Variants in SP140 observed in about 807,000 individuals in gnomAD.
The protein encoded by SP140 is SP140 nuclear body protein, also known as nuclear body protein SP140.
A neutral mutation model predicts 125.0 loss-of-function variants in SP140; 81 were observed. The observed-to-expected ratio is 0.65, with a 90% CI of 0.54 to 0.78. The LOEUF is 0.78. Ranked by LOEUF, SP140 falls within the 30% of genes least tolerant of loss-of-function variation. The pLI is 0.00. For missense variants in SP140, 858 were observed against 1,037.0 expected (o/e 0.83, Z 2.37); for synonymous variants, 312 against 354.0 (o/e 0.88, Z 1.33).
chr2:230,267,571 C>A (rs2053313952), intron 12 of SP140, among the ~76,000 whole-genome samples: 1 of 152,144 alleles, frequency 6.6e-6, no homozygotes, highest in Admixed American at 6.5e-5. Context: ...CTCCCCATTG[C>A]AAGCCAGAGT....
intron 10 of SP140, 104 bp downstream of exon 10, chr2:230,251,165 G>C: frequency 1.1e-6 from 1 of 895,918 alleles, no homozygotes; most frequent in Non-Finnish European, 1.8e-6. Flanking sequence ...ACTTCACAGT[G>C]AAAGAATGCA....
At chr2:230,191,130 C>T in the SP140 span, among the ~76,000 whole-genome samples, 1 of 152,170 alleles carries the variant, frequency 6.6e-6, no homozygotes, top group African/African-American at 2.4e-5. Flanking sequence ...CTCTGGGACA[C>T]AGCTAAAGCA....
rs1003598784 is a variant in SP140 at position 230,276,390 on chromosome 2, T to G, written c.1498+5751T>G. Among the ~76,000 whole-genome samples the G allele has an allele frequency of 3.3e-5, 5 of 152,112 alleles. No individual in the cohort carries two copies. In the South Asian group the frequency reaches 6.2e-4, roughly 19 times the overall value. ...CTCTGCCTATGCTGTATAAGTAAAA[T>G]AAAGCCCAGATCATAGAACATCTGT... On this transcript the variant is annotated intron_variant, in intron 15 of 26. Coordinates refer to ENST00000392045, the MANE Select transcript of SP140 (RefSeq NM_007237.5).
chr2:230,314,484 AG>A (rs2149654258), downstream of SP140, among the ~76,000 whole-genome samples: 1 of 152,364 alleles, frequency 6.6e-6, no homozygotes, highest in African/African-American at 2.4e-5. Context: ...TATTGACAAA[AG>A]GGCAAGCTTC....
At chr2:230,247,068 G>T (rs1178866381) in intron 7 of SP140, among the ~76,000 whole-genome samples, 4 of 152,114 alleles carry the variant, frequency 2.6e-5, no homozygotes, top group Admixed American at 6.5e-5. Flanking sequence ...CTATCAAAAT[G>T]GCACCTGTAA....
At chr2:230,287,669 A>G (rs2056563408) in intron 17 of SP140, among the ~76,000 whole-genome samples, 1 of 152,206 alleles carries the variant, frequency 6.6e-6, no homozygotes, top group African/African-American at 2.4e-5. Flanking sequence ...ACTGATTTCA[A>G]TTAGTTTTTT....
chr2:230,307,974 T>C (rs1391877077), intron 22 of SP140, among the ~76,000 whole-genome samples: 3 of 88,802 alleles, frequency 3.4e-5, no homozygotes, highest in Non-Finnish European at 7.4e-5. Flanking sequence ...TATATATATA[T>C]ATATATATAT....
intron 5 of SP140, 28 bp downstream of exon 5, chr2:230,243,839 G>A: frequency 1.3e-6 from 2 of 1,494,176 alleles, no homozygotes; most frequent in Non-Finnish European, 1.9e-6. Context: ...TGCTCTCCCT[G>A]ACCTGCAGGG....
chr2:230,187,964 T>G, the SP140 span, among the ~76,000 whole-genome samples: 11 of 152,232 alleles, frequency 7.2e-5, no homozygotes, highest in Non-Finnish European at 1.0e-4. Context: ...AGGATTGCTT[T>G]GGCTTTGCAG....
At chr2:230,214,030 A>C (rs1301100992) in exon 3 of SP140, 1 of 152,264 alleles carries the variant, frequency 6.6e-6, no homozygotes, top group African/African-American at 2.4e-5. Context: ...TCCACTAATG[A>C]AAATATCCAA....
intron 22 of SP140, among the ~76,000 whole-genome samples, chr2:230,307,966 T>C (rs1194642003): frequency 2.7e-5 from 2 of 72,928 alleles, no homozygotes; most frequent in Non-Finnish European, 2.9e-5. Context: ...TATATATATA[T>C]ATATATATAT....
At chr2:230,269,474 C>A in intron 12 of SP140, 58 bp from the exon 13 acceptor site, 1 of 1,091,076 alleles carries the variant, frequency 9.2e-7, no homozygotes, top group Non-Finnish European at 1.4e-6. Flanking sequence ...GCACTGGAAA[C>A]TCTTCTGTGG....
At chr2:230,297,291 C>A in intron 21 of SP140, 130 bp from the exon 22 acceptor site, 1 of 1,125,652 alleles carries the variant, frequency 8.9e-7, no homozygotes, top group Non-Finnish European at 1.3e-6. Flanking sequence ...TACTGGCCTT[C>A]TCTCTTCCCA....
intron 3 of SP140, chr2:230,220,117 G>A: frequency 1.0e-6 from 1 of 982,606 alleles, no homozygotes; most frequent in Non-Finnish European, 1.2e-6. Flanking sequence ...GCACTTGTGA[G>A]GCTCCCAGGA....
At chr2:230,298,736 G>A (rs1183352029) in intron 22 of SP140, among the ~76,000 whole-genome samples, 3 of 152,194 alleles carry the variant, frequency 2.0e-5, no homozygotes, top group Non-Finnish European at 4.4e-5. Context: ...ATCACTTGAA[G>A]AGCTTTAAAA....
intron 1 of SP140, chr2:230,210,094 T>A: frequency 2.4e-6 from 2 of 846,122 alleles, no homozygotes; most frequent in Non-Finnish European, 4.1e-6. Context: ...ACTAGAAAAG[T>A]AGAAAGTACA....
chr2:230,262,898 A>C (rs1267723132), intron 12 of SP140, among the ~76,000 whole-genome samples: 2 of 152,152 alleles, frequency 1.3e-5, no homozygotes, highest in African/African-American at 4.8e-5. Context: ...TCTTGGAGAA[A>C]GTTCCATGCA....
upstream of SP140, among the ~76,000 whole-genome samples, chr2:230,222,455 G>A (rs1035859427): frequency 6.6e-6 from 1 of 152,144 alleles, no homozygotes; most frequent in Non-Finnish European, 1.5e-5. Context: ...AGAGTCGCTT[G>A]TGCCTATAAT....
chr2:230,248,053 G>A lies in SP140; in HGVS notation c.880G>A (p.Gly294Arg), dbSNP rs2049761770. The A allele has an allele frequency of 6.2e-7, 1 of 1,613,342 alleles. No individual in the cohort carries two copies. The highest frequency in any genetic ancestry group is 8.5e-7 in the Non-Finnish European group (1 of 1,179,602). Residue 294 changes from glycine to arginine, a missense_variant, in exon 8 of 27, where the codon GGA (glycine) becomes AGA (arginine). By Grantham distance (125) the Gly-to-Arg change is moderately radical. Transcript: ENST00000392045. ...GGAGAAGTACCAAGAGAGTCCAGAGGGAAGAGACAAAGGTAGGAACAGAAG... is the reference window on the plus strand; with the variant it reads ...GGAGAAGTACCAAGAGAGTCCAGAGAGAAGAGACAAAGGTAGGAACAGAAG... ...DKEKYQESPE[G>R]RDKETFDLKT...
Sources: allele counts gnomAD v4.1 joint callset (sites outside exome capture counted in the v4.1 genomes callset), GRCh38; gene constraint gnomAD v4.1.1; transcripts MANE v1.5; gene names NCBI Gene and HGNC (gene_info 2026-07-23, HGNC 2026-07-21).